Variants in ROBO1 observed in about 807,000 individuals in gnomAD.
ROBO1 encodes the protein roundabout homolog 1.
A neutral mutation model predicts 195.9 loss-of-function variants in ROBO1; 149 were observed. The ratio of observed to expected loss-of-function variants is 0.76; its 90% confidence interval spans 0.67 to 0.87. ROBO1 has a LOEUF of 0.87. ROBO1 is among the 40% of genes least tolerant of loss of function. ROBO1 has a pLI of 0.00. For synonymous variants in ROBO1, 816 were observed against 733.2 expected, an observed-to-expected ratio of 1.11 and a Z score of -1.82; for missense variants, 1,933 against 2,068.3, an observed-to-expected ratio of 0.93 and a Z score of 1.27.
chr3:79,653,841 G>T (rs1033343942), intron 1 of ROBO1, among the ~76,000 whole-genome samples: 1 of 151,814 alleles, frequency 6.6e-6, no homozygotes, highest in Non-Finnish European at 1.5e-5. Flanking sequence ...ATTATCAAAA[G>T]GTATAGCTGG....
At chr3:79,282,122 C>T (rs557404046) in intron 2 of ROBO1, among the ~76,000 whole-genome samples, 13 of 151,632 alleles carry the variant, frequency 8.6e-5, no homozygotes, top group African/African-American at 2.2e-4. Flanking sequence ...GTACATGCTA[C>T]GAAAAAAATA....
In ROBO1 at chr3:79,077,424, T is replaced by C. The variant is rs890965800; in HGVS notation, c.172+48032A>G. ...ACATAAGAACACATACATGTATACA[T>C]CTATATACACAGACATGTATGTAGA... On this transcript the variant is annotated intron_variant, in intron 3 of 30. Transcript: ENST00000464233. Among the ~76,000 whole-genome samples the C allele has an allele frequency of 6.4e-4, 97 of 151,902 alleles. 3 individuals are homozygous for C. Among genetic ancestry groups the C allele is most frequent in the Non-Finnish European group, 1.6e-4 (11 of 67,888 alleles).
chr3:78,938,380 A>T (rs2039934608), intron 4 of ROBO1: 2 of 471,054 alleles, frequency 4.2e-6, no homozygotes, highest in African/African-American at 3.9e-5. Flanking sequence ...ATCAAAAGTC[A>T]AATTGTTAAC....
rs968334923 is a variant in ROBO1, at chr3:79,166,560, C to CTTTTTT, written c.89-41027_89-41022dup. Reference sequence around the variant, plus strand: ...GATGGAAGGCAAGTTTTCTATTTTTCTTTTTTTTTTTTTTTTTATTTTTGA... The same window carrying CTTTTTT: ...GATGGAAGGCAAGTTTTCTATTTTTCTTTTTTTTTTTTTTTTTTTTTTTATTTTTGA... On this transcript the variant is annotated intron_variant, in intron 2 of 30. Transcript: ENST00000464233. 1.3e-3 allele frequency among the ~76,000 whole-genome samples: 177 copies of CTTTTTT among 135,098 alleles called. 5 individuals are homozygous for CTTTTTT. Among genetic ancestry groups the CTTTTTT allele is most frequent in the African/African-American group, 4.0e-3 (145 of 35,986 alleles). The allele number at this position is 135,098 out of a possible 152,430, so 88.6% of individuals were successfully genotyped here. A position where few individuals can be genotyped will look rare whatever the true frequency, so the allele number is the denominator to read the frequency against.
chr3:79,592,487 A>C (rs552086992), intron 1 of ROBO1, among the ~76,000 whole-genome samples: 35 of 152,122 alleles, frequency 2.3e-4, no homozygotes, highest in African/African-American at 7.9e-4. Context: ...GAATTGCATT[A>C]TTAGCTATTG....
At chr3:78,677,314 C>T (rs1351339656) in intron 10 of ROBO1, among the ~76,000 whole-genome samples, 3 of 152,170 alleles carry the variant, frequency 2.0e-5, no homozygotes, top group African/African-American at 7.2e-5. Context: ...ATCAAATTCA[C>T]ACATAACAAT....
chr3:79,158,296 ATAT>A (rs1199916054), intron 2 of ROBO1, among the ~76,000 whole-genome samples: 2 of 151,072 alleles, frequency 1.3e-5, no homozygotes, highest in Non-Finnish European at 3.0e-5. Flanking sequence ...ATTCATTTAT[ATAT>A]TAATGATAAA....
chr3:79,701,110 C>T (rs1291301625), intron 1 of ROBO1, among the ~76,000 whole-genome samples: 2 of 151,562 alleles, frequency 1.3e-5, no homozygotes, highest in Non-Finnish European at 3.0e-5. Context: ...TTTTTGTCAA[C>T]TTTGTTGAAA....
At chr3:79,022,794 G>T (rs935348212) in intron 3 of ROBO1, among the ~76,000 whole-genome samples, 1 of 152,072 alleles carries the variant, frequency 6.6e-6, no homozygotes, top group African/African-American at 2.4e-5. Context: ...TGAAATTCAG[G>T]ATCCCCAAAA....
chr3:78,968,600 G>A (rs1296663581), intron 3 of ROBO1, among the ~76,000 whole-genome samples: 2 of 150,496 alleles, frequency 1.3e-5, no homozygotes, highest in Non-Finnish European at 3.0e-5. Context: ...CAACTCTTTG[G>A]TCTCCAAAAA....
At position 78,723,682 on chromosome 3, in the gene ROBO1, G is replaced by C. The variant is rs1475884483; in HGVS notation, c.658-5799C>G. On this transcript the variant is annotated intron_variant, in intron 5 of 30. Transcript: ENST00000464233. ...TTGGGGGATTGAAGGGTGTGTGGGG[G>C]GCGATGCTACTGGTATCTAATAAGT... Among the ~76,000 whole-genome samples, 3 of 151,834 alleles carry C rather than the reference G, an allele frequency of 2.0e-5. No individual in the cohort carries two copies. The East Asian group carries it at 5.8e-4, about 30-fold the overall frequency.
intron 4 of ROBO1, among the ~76,000 whole-genome samples, chr3:78,799,143 C>A: frequency 6.6e-6 from 1 of 152,150 alleles, no homozygotes; most frequent in East Asian, 1.9e-4. Context: ...TCTTAAACCC[C>A]TTTTGTAGGT....
At chr3:78,728,505 GTA>G (rs1478011166) in intron 5 of ROBO1, among the ~76,000 whole-genome samples, 2 of 150,644 alleles carry the variant, frequency 1.3e-5, no homozygotes, top group Non-Finnish European at 2.9e-5. Flanking sequence ...ACTGTAAAAA[GTA>G]CCTAGATTTT....
chr3:79,351,817 C>G (rs2035354657), intron 2 of ROBO1, among the ~76,000 whole-genome samples: 1 of 151,618 alleles, frequency 6.6e-6, no homozygotes, highest in African/African-American at 2.4e-5. Context: ...TTTAAAGAAC[C>G]AACTTCTGGG....
At chr3:78,813,678 C>T (rs946717216) in intron 4 of ROBO1, among the ~76,000 whole-genome samples, 23 of 152,140 alleles carry the variant, frequency 1.5e-4, no homozygotes, top group African/African-American at 3.1e-4. Context: ...GAGACCTCAA[C>T]GCAGGCATTC....
chr3:79,065,142 C>T lies in ROBO1; in HGVS notation c.172+60314G>A, dbSNP rs141901207. Among the ~76,000 whole-genome samples, 486 of 151,906 alleles carry T rather than the reference C, an allele frequency of 3.2e-3. 4 individuals carry two copies. The highest frequency in any genetic ancestry group is 0.01 in the African/African-American group (415 of 41,474). On this transcript the variant is annotated intron_variant, in intron 3 of 30. Transcript: ENST00000464233. ...CTCACTTGTTACATGAGTTAAAAAC[C>T]CATTTTTGAAACAAAAACTAAAATG... is the stretch of plus-strand genomic sequence containing the variant.
At chr3:78,704,867 G>T (rs548215823) in intron 8 of ROBO1, among the ~76,000 whole-genome samples, 2 of 152,126 alleles carry the variant, frequency 1.3e-5, no homozygotes, top group Admixed American at 1.3e-4. Context: ...CATTCACACA[G>T]TATGTTACAT....
intron 4 of ROBO1, among the ~76,000 whole-genome samples, chr3:78,763,893 G>A (rs1373119351): frequency 6.6e-5 from 10 of 152,112 alleles, no homozygotes; most frequent in Non-Finnish European, 1.0e-4. Flanking sequence ...CATAGAAAGT[G>A]TGAACATTTT....
At chr3:79,739,514 T>A (rs566804737) in intron 1 of ROBO1, among the ~76,000 whole-genome samples, 1 of 152,260 alleles carries the variant, frequency 6.6e-6, no homozygotes, top group Non-Finnish European at 1.5e-5. Context: ...TCAATATATA[T>A]AATACATGAA....
Sources: allele counts gnomAD v4.1 joint callset (sites outside exome capture counted in the v4.1 genomes callset), GRCh38; gene constraint gnomAD v4.1.1; transcripts MANE v1.5; gene names NCBI Gene and HGNC (gene_info 2026-07-23, HGNC 2026-07-21).